The following CAMK2B variants were observed in gnomAD, a reference collection of about 807,000 sequenced individuals.
CAMK2B encodes calcium/calmodulin dependent protein kinase II beta, also known as calcium/calmodulin-dependent protein kinase type II subunit beta.
Under a neutral mutation model 93.7 loss-of-function variants are expected in CAMK2B, and 27 were observed. The ratio of observed to expected loss-of-function variants is 0.29; its 90% CI spans 0.21 to 0.40. The LOEUF (loss-of-function observed/expected upper bound fraction) is 0.40, where lower values mean the gene tolerates loss of function less well. Among genes scored for constraint, CAMK2B ranks in the 10% least tolerant of loss-of-function variants. The probability of loss-of-function intolerance (pLI) is 1.00; values close to 1 mark genes in which losing one functional copy is unlikely to be tolerated. For synonymous variants in CAMK2B, 374 were observed against 358.8 expected (o/e 1.04, Z -0.48); for missense variants, 568 against 895.8 (o/e 0.63, Z 4.67).
At chr7:44,289,203 A>G (rs888221268) in intron 1 of CAMK2B, among the ~76,000 whole-genome samples, 1 of 151,804 alleles carries the variant, frequency 6.6e-6, no homozygotes, top group African/African-American at 2.4e-5. Context: ...ACCCCCACGG[A>G]GCTCCCCACC....
In CAMK2B at chr7:44,286,243, G is replaced by A. The variant is rs916478649; in HGVS notation, c.66-2018C>T. 6.6e-6 allele frequency among the ~76,000 whole-genome samples: 1 copy of A among 152,112 alleles called. No homozygotes were observed. The highest frequency in any genetic ancestry group is 1.5e-5 in the Non-Finnish European group (1 of 68,022). ...CGAAACCAGTCCTGAGCTACCATCTGTCACGCTCTGACCCCTAGAGGGCTC... is the reference window on the plus strand; with the variant it reads ...CGAAACCAGTCCTGAGCTACCATCTATCACGCTCTGACCCCTAGAGGGCTC... On this transcript the variant is annotated intron_variant, in intron 1 of 23. Transcript: ENST00000395749. This position sits in a 1 kb window ranked among gnomAD's most constrained non-coding sequence, Gnocchi z 4.0.
At chr7:44,285,513 G>A (rs1252167452) in intron 1 of CAMK2B, among the ~76,000 whole-genome samples, 1 of 152,150 alleles carries the variant, frequency 6.6e-6, no homozygotes, top group East Asian at 1.9e-4. Context: ...AACCCACATG[G>A]GAGTCCAGGC....
chr7:44,229,323 G>T, intron 18 of CAMK2B, 65 bp downstream of exon 18: 4 of 1,100,894 alleles, frequency 3.6e-6, no homozygotes, highest in Non-Finnish European at 5.2e-6. Context: ...CTCTGGAGTG[G>T]CCCCTCTAGG....
At chr7:44,288,629 A>G (rs1244934433) in intron 1 of CAMK2B, among the ~76,000 whole-genome samples, 1 of 152,212 alleles carries the variant, frequency 6.6e-6, no homozygotes, top group Non-Finnish European at 1.5e-5. Flanking sequence ...AAAATCAAAT[A>G]AAGCTAATTA....
At chr7:44,304,131 AT>A (rs1383898962) in intron 1 of CAMK2B, among the ~76,000 whole-genome samples, 1 of 152,204 alleles carries the variant, frequency 6.6e-6, no homozygotes, top group Non-Finnish European at 1.5e-5. Context: ...AGGAATTCTC[AT>A]TCATTGTTGG....
intron 2 of CAMK2B, among the ~76,000 whole-genome samples, chr7:44,264,747 C>G (rs913977974): frequency 6.6e-5 from 10 of 152,238 alleles, no homozygotes; most frequent in African/African-American, 2.4e-4. Context: ...GAAGTGGGAG[C>G]TGAGGTGCCA....
chr7:44,267,407 C>T (rs1381968900), intron 2 of CAMK2B, among the ~76,000 whole-genome samples: 1 of 152,144 alleles, frequency 6.6e-6, no homozygotes, highest in Non-Finnish European at 1.5e-5. Flanking sequence ...AGTTTGCCTA[C>T]TCATGCTGGA....
chr7:44,324,283 C>T (rs1165716514), intron 1 of CAMK2B, among the ~76,000 whole-genome samples: 2 of 152,248 alleles, frequency 1.3e-5, no homozygotes, highest in African/African-American at 4.8e-5. Context: ...GCCCCCACCG[C>T]CTGCACTGAA....
intron 1 of CAMK2B, among the ~76,000 whole-genome samples, chr7:44,310,472 C>T (rs1442570909): frequency 6.6e-6 from 1 of 152,132 alleles, no homozygotes; most frequent in Non-Finnish European, 1.5e-5. Context: ...CTATGTCATG[C>T]GCGGTGGGAG....
intron 20 of CAMK2B, among the ~76,000 whole-genome samples, chr7:44,221,545 C>T (rs999724135): frequency 2.0e-5 from 3 of 149,876 alleles, no homozygotes; most frequent in Non-Finnish European, 4.4e-5. Context: ...GGGCTGTCCC[C>T]GCAGCAGGAA....
intron 1 of CAMK2B, among the ~76,000 whole-genome samples, chr7:44,305,011 C>T (rs1791080148): frequency 6.6e-6 from 1 of 150,590 alleles, no homozygotes; most frequent in Admixed American, 6.6e-5. Flanking sequence ...AAGCATGTAT[C>T]ACAAGGAAAA....
At chr7:44,305,680 G>C (rs541014978) in intron 1 of CAMK2B, among the ~76,000 whole-genome samples, 1 of 152,300 alleles carries the variant, frequency 6.6e-6, no homozygotes, top group South Asian at 2.1e-4. Context: ...AGAGCCCTGA[G>C]AGTGGGAAGA....
At chr7:44,306,887 G>GTGTGAGCAGGAGGAGGAGGT (rs1791793481) in intron 1 of CAMK2B, among the ~76,000 whole-genome samples, 1 of 142,408 alleles carries the variant, frequency 7.0e-6, no homozygotes, top group South Asian at 2.3e-4. Context: ...GAGGAGGAGG[G>GTGTGAGCAGGAGGAGGAGGT]TGTGAGCAGG....
At position 44,285,163 on chromosome 7, in the gene CAMK2B, C is replaced by T. The variant is rs757046242; in HGVS notation, c.66-938G>A. ...TCTATGAGGCAGGAGGGGAGGGGGCCGGTGCCCACCAGGAGGCCCCGCAGA... is the reference window on the plus strand; with the variant it reads ...TCTATGAGGCAGGAGGGGAGGGGGCTGGTGCCCACCAGGAGGCCCCGCAGA... On this transcript the variant is annotated intron_variant, in intron 1 of 23. Coordinates refer to ENST00000395749, the MANE Select transcript of CAMK2B (RefSeq NM_001220.5). Among the ~76,000 whole-genome samples, 13 of 152,200 alleles carry T rather than the reference C, an allele frequency of 8.5e-5. 1 individual carries two copies. Among genetic ancestry groups the T allele is most frequent in the African/African-American group, 1.9e-4 (8 of 41,442 alleles).
intron 20 of CAMK2B, 145 bp from the exon 21 acceptor site, chr7:44,221,046 C>A (rs1404134670): frequency 1.6e-6 from 1 of 632,280 alleles, no homozygotes; most frequent in African/African-American, 1.8e-5. Context: ...GTCCTCTCCG[C>A]CGCCCCCCCT....
At chr7:44,277,373 C>G (rs551299063) in intron 2 of CAMK2B, among the ~76,000 whole-genome samples, 7 of 152,274 alleles carry the variant, frequency 4.6e-5, no homozygotes, top group Non-Finnish European at 1.0e-4. Context: ...ATTAAAAAAT[C>G]GAACTGTTAC....
chr7:44,221,298 C>T (rs929780817), intron 20 of CAMK2B, among the ~76,000 whole-genome samples: 2 of 152,176 alleles, frequency 1.3e-5, no homozygotes, highest in African/African-American at 4.8e-5. Flanking sequence ...CAGGCCTGGC[C>T]CTGCGCTTCC....
chr7:44,299,772 A>T (rs1789383847), intron 1 of CAMK2B, among the ~76,000 whole-genome samples: 2 of 152,168 alleles, frequency 1.3e-5, no homozygotes, highest in Non-Finnish European at 2.9e-5. Context: ...TATCTCTTAG[A>T]GCTTTTGGAA....
At chr7:44,230,089 T>C (rs565833904) in intron 17 of CAMK2B, 2 of 152,478 alleles carry the variant, frequency 1.3e-5, no homozygotes, top group African/African-American at 2.4e-5. Flanking sequence ...CCCTCACTGC[T>C]CAGCACCCCA....
Sources: allele counts gnomAD v4.1 joint callset (sites outside exome capture counted in the v4.1 genomes callset), GRCh38; gene constraint gnomAD v4.1.1; non-coding constraint Gnocchi (gnomAD v3.1); transcripts MANE v1.5; gene names NCBI Gene and HGNC (gene_info 2026-07-23, HGNC 2026-07-21).